The following NFKB1 variants were observed in gnomAD, a reference collection of about 807,000 sequenced individuals.
NFKB1 encodes nuclear factor NF-kappa-B p105 subunit.
Under a neutral mutation model 105.1 loss-of-function variants are expected in NFKB1, and 9 were observed. The observed-to-expected ratio is 0.09, with a 90% CI of 0.05 to 0.15. NFKB1 has a LOEUF of 0.15. Among genes scored for constraint, NFKB1 ranks in the 10% least tolerant of loss-of-function variants. The pLI, the probability that NFKB1 is intolerant of heterozygous loss-of-function variation, is 1.00. For synonymous variants in NFKB1, 440 were observed against 442.2 expected, an observed-to-expected ratio of 1.00 and a Z score of 0.06; for missense variants, 830 against 1,203.7, an observed-to-expected ratio of 0.69 and a Z score of 4.59.
intron 4 of NFKB1, 73 bp from the exon 5 acceptor site, chr4:102,537,785 G>T: frequency 1.2e-6 from 1 of 833,000 alleles, no homozygotes; most frequent in Non-Finnish European, 2.0e-6. Context: ...TTAAAAATTT[G>T]TATGTACCTT....
intron 5 of NFKB1, among the ~76,000 whole-genome samples, chr4:102,564,378 A>G (rs1723684860): frequency 6.6e-6 from 1 of 152,200 alleles, no homozygotes; most frequent in African/African-American, 2.4e-5. Context: ...CATGTACCAT[A>G]TAACTTGCAA....
At chr4:102,532,858 T>C (rs1741388249) in intron 3 of NFKB1, among the ~76,000 whole-genome samples, 1 of 152,190 alleles carries the variant, frequency 6.6e-6, no homozygotes, top group African/African-American at 2.4e-5. Context: ...TATGCCTTTA[T>C]TTATTGCAAA....
rs77941271 is a variant in NFKB1 at position 102,527,557 on chromosome 4, A to G, written c.39+2000A>G. Among the ~76,000 whole-genome samples the G allele has an allele frequency of 2.3e-3, 343 of 152,334 alleles. 1 individual carries two copies. The highest frequency in any genetic ancestry group is 8.0e-3 in the African/African-American group (331 of 41,590). On this transcript the variant is annotated intron_variant, in intron 2 of 23. Transcript: ENST00000226574. ...AATAAAATGGACATATATAGCATTT[A>G]TCACTTCGGGTGATATTCTGATTGA...
intron 5 of NFKB1, among the ~76,000 whole-genome samples, chr4:102,542,535 T>A (rs551837728): frequency 6.6e-6 from 1 of 152,090 alleles, no homozygotes; most frequent in African/African-American, 2.4e-5. Flanking sequence ...CTCTCTCAAA[T>A]AAAATAGTTA....
intron 4 of NFKB1, 65 bp downstream of exon 4, chr4:102,533,950 C>G (rs1741466467): frequency 1.5e-6 from 2 of 1,370,038 alleles, no homozygotes; most frequent in Non-Finnish European, 2.0e-6. Context: ...ATCATAAGCA[C>G]TGAAGAATAG....
At chr4:102,567,888 A>G (rs1313582871) in intron 6 of NFKB1, among the ~76,000 whole-genome samples, 1 of 152,224 alleles carries the variant, frequency 6.6e-6, no homozygotes, top group Non-Finnish European at 1.5e-5. Flanking sequence ...GTAGCACACA[A>G]TACAAACTGA....
At position 102,580,144 on chromosome 4, in the gene NFKB1, G is replaced by T. The variant is rs191918423; in HGVS notation, c.731-391G>T. Among the ~76,000 whole-genome samples, 7 of 152,202 alleles carry T rather than the reference G, an allele frequency of 4.6e-5. No homozygotes were observed. In the East Asian group the frequency reaches 1.4e-3, roughly 29 times the overall value. ...ACTGTACTTTTCCTAAAGTTTTTAG[G>T]ACTCTTGTAAATAGAATAATAGCAG... On this transcript the variant is annotated intron_variant, in intron 8 of 23. Transcript: ENST00000226574.
intron 11 of NFKB1, among the ~76,000 whole-genome samples, chr4:102,588,159 G>A (rs974337765): frequency 6.6e-6 from 1 of 152,134 alleles, no homozygotes; most frequent in African/African-American, 2.4e-5. Flanking sequence ...CATAGAAAAT[G>A]CTCATTAAAT....
intron 1 of NFKB1, among the ~76,000 whole-genome samples, chr4:102,502,390 G>GCACACACACACACACACACACACA (rs754187388): frequency 3.8e-5 from 4 of 105,396 alleles, no homozygotes; most frequent in African/African-American, 1.2e-4. Context: ...GCGCGCGCGC[G>GCACACACACACACACACACACACA]CACACACACA....
intron 8 of NFKB1, 28 bp from the exon 9 acceptor site, chr4:102,580,506 GT>G (rs1266038574): frequency 1.3e-6 from 2 of 1,588,032 alleles, no homozygotes; most frequent in Admixed American, 3.3e-5. Context: ...GATTAATCAT[GT>G]TATTTGTTGT....
intron 23 of NFKB1, 76 bp from the exon 24 acceptor site, chr4:102,616,358 A>T (rs377492721): frequency 6.6e-7 from 1 of 1,506,580 alleles, no homozygotes; most frequent in Admixed American, 1.7e-5. Context: ...AGTGGGCAAG[A>T]GTTGTCCACA....
intron 5 of NFKB1, among the ~76,000 whole-genome samples, chr4:102,544,887 G>A (rs1231600831): frequency 6.6e-6 from 1 of 152,066 alleles, no homozygotes; most frequent in Admixed American, 6.6e-5. Context: ...CTGGCTTGGT[G>A]ACCTTCCTCT....
At chr4:102,577,117 C>G in intron 7 of NFKB1, 78 bp downstream of exon 7, 1 of 1,439,118 alleles carries the variant, frequency 6.9e-7, no homozygotes, top group Non-Finnish European at 9.4e-7. Flanking sequence ...ATATGTTCAT[C>G]TGCATCCCTT....
rs1726488049 is a variant in NFKB1 at position 102,594,991 on chromosome 4, G to A, written c.1300+10G>A. On this transcript the variant is annotated intron_variant, in intron 13 of 23. Transcript: ENST00000226574. ...GCTGGGATGAAGCATGGTAAGTAAT[G>A]CTTTGTTCTTAATACCAAGAAAGGA... is the stretch of plus-strand genomic sequence containing the variant. The A allele has an allele frequency of 6.3e-7, 1 of 1,577,852 alleles. No individual in the cohort carries two copies. The highest frequency in any genetic ancestry group is 8.7e-7 in the Non-Finnish European group (1 of 1,150,556).
Position 102,578,883 on chromosome 4 carries a change from C to T in NFKB1, c.574C>T (p.Arg192Trp), listed in dbSNP as rs865962183. ...TGGACTGTGCTGTATGGCCCTAGATCGGGAAAAAGAGCTAATCCGCCAAGC... is the reference window on the plus strand; with the variant it reads ...TGGACTGTGCTGTATGGCCCTAGATTGGGAAAAAGAGCTAATCCGCCAAGC... ...EGGGDRQLGD[R>W]EKELIRQAAL... Residue 192 changes from arginine to tryptophan, a missense_variant and splice_region_variant, in exon 8 of 24, where the codon CGG (arginine) becomes TGG (tryptophan). Physicochemically the swap from Arg to Trp is moderately radical, Grantham distance 101 (BLOSUM62 -3). This residue lies in a region of NFKB1 where 80 missense variants were observed against 122.6 expected (regional missense o/e 0.65). Transcript: ENST00000226574. The T allele has an allele frequency of 1.2e-6, 2 of 1,613,886 alleles. No individual in the cohort carries two copies. The highest frequency in any genetic ancestry group is 1.7e-6 in the Non-Finnish European group (2 of 1,179,892).
In NFKB1 at chr4:102,616,598, G is replaced by C. The variant is rs1728965112; in HGVS notation, c.*4G>C. 6.2e-7 allele frequency: 1 copy of C among 1,613,322 alleles called. No homozygotes were observed. Among genetic ancestry groups the C allele is most frequent in the Non-Finnish European group, 8.5e-7 (1 of 1,179,730 alleles). On this transcript the variant is annotated 3_prime_UTR_variant, in exon 24 of 24. Transcript: ENST00000226574. ...ACCTCTAGAAGGCAAAATTTAGCCTGCTGACAATTTCCCACACCGTGTAAA... is the reference window on the plus strand; with the variant it reads ...ACCTCTAGAAGGCAAAATTTAGCCTCCTGACAATTTCCCACACCGTGTAAA...
intron 5 of NFKB1, among the ~76,000 whole-genome samples, chr4:102,560,556 G>A (rs967894854): frequency 3.3e-5 from 5 of 152,018 alleles, no homozygotes; most frequent in Admixed American, 1.3e-4. Context: ...AACTCCATGA[G>A]TACTACCAGG....
At chr4:102,526,899 C>T (rs1279670347) in intron 2 of NFKB1, among the ~76,000 whole-genome samples, 3 of 151,314 alleles carry the variant, frequency 2.0e-5, no homozygotes, top group Non-Finnish European at 2.9e-5. Flanking sequence ...CCGACATTTT[C>T]GCTTTTCTCT....
intron 3 of NFKB1, among the ~76,000 whole-genome samples, chr4:102,532,221 T>C (rs1430303071): frequency 6.6e-6 from 1 of 152,166 alleles, no homozygotes; most frequent in Non-Finnish European, 1.5e-5. Flanking sequence ...GATGCATTCA[T>C]TTTTCAACTC....
Sources: gnomAD v4.1 joint callset for allele counts (sites outside exome capture counted in the v4.1 genomes callset) on GRCh38, gnomAD v4.1.1 for gene constraint, gnomAD v4.1.1 regional missense constraint, MANE v1.5 for transcripts, NCBI Gene and HGNC (gene_info 2026-07-23, HGNC 2026-07-21) for gene names.